ARHGEF16: variants seen among roughly 807,000 people sequenced by gnomAD.
ARHGEF16 encodes the protein Rho guanine nucleotide exchange factor 16.
ARHGEF16 carries 59 observed loss-of-function variants against 74.1 expected under a neutral mutation model. That is an observed-to-expected ratio of 0.80 (90% CI 0.65 to 0.99). The LOEUF is 0.99. Ranked by LOEUF, ARHGEF16 falls within the 50% of genes least tolerant of loss-of-function variation. ARHGEF16 has a pLI of 0.00. For synonymous variants in ARHGEF16, 415 were observed against 412.6 expected (o/e 1.01, Z -0.07); for missense variants, 948 against 986.6 (o/e 0.96, Z 0.52).
intron 3 of ARHGEF16, 132 bp downstream of exon 3, chr1:3,466,325 A>T: frequency 1.0e-6 from 1 of 973,494 alleles, no homozygotes; most frequent in Non-Finnish European, 1.5e-6. Context: ...GGGTCCTTCC[A>T]GAGGCTGAGG....
chr1:3,463,196 G>C lies in ARHGEF16; in HGVS notation c.112G>C (p.Val38Leu). 8.4e-6 allele frequency: 13 copies of C among 1,542,548 alleles called. No homozygotes were observed. The highest frequency in any genetic ancestry group is 1.1e-5 in the Non-Finnish European group (13 of 1,141,286). Residue 38 changes from valine to leucine, a missense_variant, in exon 2 of 15, where the codon GTC becomes CTC. Val to Leu is a conservative substitution (Grantham distance 32). Transcript: ENST00000378378. The part of the protein sequence containing the change: ...GGNPASGLPM[V>L]RGSPRVRDDA... ...GAACCCAGCCTCCGGGCTCCCAATG[G>C]TCCGTGGCTCCCCGCGTGTTAGAGA...
chr1:3,460,739 A>T (rs2100732935), intron 1 of ARHGEF16, among the ~76,000 whole-genome samples: 1 of 152,250 alleles, frequency 6.6e-6, no homozygotes, highest in South Asian at 2.1e-4. Context: ...TGTCATGGAC[A>T]CCAGCCCCGG....
Position 3,480,584 on chromosome 1 carries a change from G to A in ARHGEF16, c.2127G>A (p.Val709=). ...RMERLRVETD[V] ...AGCGTCTGCGGGTGGAGACGGACGT[G>A]TAGCCCTGGCGAGGCCAGCCGGCGG... The change falls in exon 15 of 15, where the codon GTG becomes GTA. Residue 709 remains valine (V), a synonymous_variant. Coordinates refer to ENST00000378378, the MANE Select transcript of ARHGEF16 (RefSeq NM_014448.4). 6.2e-7 allele frequency: 1 copy of A among 1,606,056 alleles called. No homozygotes were observed. Among genetic ancestry groups the A allele is most frequent in the Non-Finnish European group, 8.5e-7 (1 of 1,179,388 alleles).
At chr1:3,460,049 T>G (rs1639355950) in intron 1 of ARHGEF16, among the ~76,000 whole-genome samples, 1 of 152,226 alleles carries the variant, frequency 6.6e-6, no homozygotes, top group Admixed American at 6.5e-5. Flanking sequence ...GTCTTCATAG[T>G]TCTTTAGAAA....
rs192184557 is a variant in ARHGEF16, at chr1:3,465,133, C to T, written c.589-1015C>T. 5.3e-5 allele frequency among the ~76,000 whole-genome samples: 8 copies of T among 152,242 alleles called. No homozygotes were observed. In the East Asian group the frequency reaches 5.8e-4, roughly 11 times the overall value. ...CACCAGGCCCAGGCCCATGGGGCTC[C>T]GTTCATTCATTCACTGTTTATTTCA... On this transcript the variant is annotated intron_variant, in intron 2 of 14. Coordinates refer to ENST00000378378, the MANE Select transcript of ARHGEF16 (RefSeq NM_014448.4).
At position 3,472,051 on chromosome 1, in the gene ARHGEF16, C is replaced by T. The variant is rs143777083; in HGVS notation, c.1023-1027C>T. On this transcript the variant is annotated intron_variant, in intron 6 of 14. Coordinates refer to ENST00000378378, the MANE Select transcript of ARHGEF16 (RefSeq NM_014448.4). Reference sequence around the variant, plus strand: ...CTCCTGCGTGGGTGGCAGGCCCAGTCGGGCCCCGTGAGCAGAGGAGGAGGG... The same window carrying T: ...CTCCTGCGTGGGTGGCAGGCCCAGTTGGGCCCCGTGAGCAGAGGAGGAGGG... Among the ~76,000 whole-genome samples, 86 of 152,332 alleles carry T rather than the reference C, an allele frequency of 5.6e-4. 4 individuals carry two copies. The East Asian group carries it at 0.016, about 28-fold the overall frequency.
chr1:3,457,685 G>A (rs746217329), intron 1 of ARHGEF16, among the ~76,000 whole-genome samples: 2 of 152,234 alleles, frequency 1.3e-5, no homozygotes, highest in African/African-American at 4.8e-5. Flanking sequence ...GGCTGGGCAG[G>A]GGGCCCTGAG....
chr1:3,459,910 T>C (rs1209634014), intron 1 of ARHGEF16, among the ~76,000 whole-genome samples: 2 of 152,122 alleles, frequency 1.3e-5, no homozygotes, highest in African/African-American at 4.8e-5. Context: ...GAGCAGGCTG[T>C]GCCTTTTTCT....
intron 6 of ARHGEF16, among the ~76,000 whole-genome samples, chr1:3,470,407 AGT>A (rs1639675170): frequency 8.5e-6 from 1 of 117,100 alleles, no homozygotes; most frequent in African/African-American, 3.4e-5. Context: ...CCTGGGCAGC[AGT>A]GTGTGTGCAT....
intron 1 of ARHGEF16, among the ~76,000 whole-genome samples, chr1:3,456,653 A>C (rs1225901952): frequency 1.3e-5 from 2 of 152,204 alleles, no homozygotes; most frequent in African/African-American, 4.8e-5. Context: ...AAGACAGTGG[A>C]TGACAGGGCA....
Position 3,467,226 on chromosome 1 carries a change from T to C in ARHGEF16, c.693T>C (p.Asp231=), listed in dbSNP as rs1639571329. The C allele has an allele frequency of 6.4e-7, 1 of 1,550,644 alleles. No homozygotes were observed. Among genetic ancestry groups the C allele is most frequent in the Non-Finnish European group, 8.7e-7 (1 of 1,146,898 alleles). ...ERGLNTSQES[D]DDILDESSSP... is the part of the protein sequence containing the mutation. ...GCCTGAACACCAGCCAGGAGTCTGA[T>C]GACGACATCCTCGATGAGTCCTCCA... The change falls in exon 4 of 15, where the codon GAT becomes GAC. Residue 231 remains aspartate (D), a synonymous_variant. Coordinates refer to ENST00000378378, the MANE Select transcript of ARHGEF16 (RefSeq NM_014448.4).
At chr1:3,462,056 C>T (rs1260902666) in intron 1 of ARHGEF16, among the ~76,000 whole-genome samples, 1 of 151,730 alleles carries the variant, frequency 6.6e-6, no homozygotes, top group Non-Finnish European at 1.5e-5. Context: ...TAGAGATGGG[C>T]TCGGGGGCAC....
intron 6 of ARHGEF16, among the ~76,000 whole-genome samples, chr1:3,470,193 C>A (rs984757812): frequency 2.7e-5 from 4 of 146,232 alleles, no homozygotes; most frequent in Admixed American, 2.7e-4. Context: ...GGGCTGGCCC[C>A]GAGGCCTGGA....
rs1557692118 is a variant in ARHGEF16 at position 3,469,426 on chromosome 1, T to C, written c.862-7T>C. ...ACTGTGGGGCTCACCTAGGCCCCTC[T>C]CCACAGGCCATGTTCGAGATCCTCA... is the stretch of plus-strand genomic sequence containing the variant. On this transcript the variant is annotated splice_polypyrimidine_tract_variant and splice_region_variant and intron_variant, in intron 5 of 14. Transcript: ENST00000378378. 6.2e-7 allele frequency: 1 copy of C among 1,612,742 alleles called. No homozygotes were observed. Among genetic ancestry groups the C allele is most frequent in the Admixed American group, 1.7e-5 (1 of 60,000 alleles).
intron 6 of ARHGEF16, 168 bp from the exon 7 acceptor site, chr1:3,472,910 T>TC: frequency 5.9e-6 from 1 of 168,582 alleles, no homozygotes; most frequent in Non-Finnish European, 1.1e-5. Flanking sequence ...GCATCCCAGG[T>TC]CCGGGTCCCG....
chr1:3,465,594 CG>C (rs34109718), intron 2 of ARHGEF16, among the ~76,000 whole-genome samples: 115,517 of 152,074 alleles, frequency 0.76, 46,568 homozygotes, highest in Non-Finnish European at 0.9. Flanking sequence ...CCTTTCCTTC[CG>C]GGAACCAGCA....
At chr1:3,471,790 G>A (rs758491527) in intron 6 of ARHGEF16, 1 of 1,098,226 alleles carries the variant, frequency 9.1e-7, no homozygotes, top group African/African-American at 1.7e-5. Context: ...TCGCTATTTG[G>A]GGTAAGCGGC....
chr1:3,478,905 C>A (rs1639975213), intron 12 of ARHGEF16, among the ~76,000 whole-genome samples: 1 of 152,064 alleles, frequency 6.6e-6, no homozygotes, highest in Non-Finnish European at 1.5e-5. Flanking sequence ...GAAAGCTTAG[C>A]CCATGTGAGC....
intron 9 of ARHGEF16, 61 bp from the exon 10 acceptor site, chr1:3,475,909 C>T (rs147218994): frequency 2.9e-4 from 435 of 1,483,268 alleles, no homozygotes; most frequent in Middle Eastern, 2.2e-3. Flanking sequence ...CACTGTGGGC[C>T]GTGTGGGCTG....
Sources: allele counts gnomAD v4.1 joint callset (sites outside exome capture counted in the v4.1 genomes callset), GRCh38; gene constraint gnomAD v4.1.1; transcripts MANE v1.5; gene names NCBI Gene and HGNC (gene_info 2026-07-23, HGNC 2026-07-21).